Variants in PCNT observed in about 807,000 individuals in gnomAD.
The protein encoded by PCNT is pericentrin.
PCNT carries 319 observed loss-of-function variants against 380.4 expected under a neutral mutation model. The observed-to-expected ratio is 0.84, with a 90% CI of 0.77 to 0.92. The LOEUF (loss-of-function observed/expected upper bound fraction) is 0.92, where lower values mean the gene tolerates loss of function less well. Ranked by LOEUF, PCNT falls within the 40% of genes least tolerant of loss-of-function variation. The pLI is 0.00. For synonymous variants in PCNT, 1,845 were observed against 1,735.2 expected (o/e 1.06, Z -1.57); for missense variants, 4,400 against 4,255.3 (o/e 1.03, Z -0.95).
At position 46,383,392 on chromosome 21, in the gene PCNT, C is replaced by T. The variant is rs143266250; in HGVS notation, c.3312+1552C>T. ...ATTCACCATGTTGTATATTCAGTGACGGAAGCGCATTCACGGTGTTGTGCA... is the reference window on the plus strand; with the variant it reads ...ATTCACCATGTTGTATATTCAGTGATGGAAGCGCATTCACGGTGTTGTGCA... On this transcript the variant is annotated intron_variant, in intron 16 of 46. Coordinates refer to ENST00000359568, the MANE Select transcript of PCNT (RefSeq NM_006031.6). Among the ~76,000 whole-genome samples the T allele has an allele frequency of 1.3e-4, 18 of 141,038 alleles. 3 individuals carry two copies. The East Asian group carries it at 3.7e-3, about 29-fold the overall frequency. The allele number at this position is 141,038 out of a possible 152,430, so 92.5% of individuals were successfully genotyped here. A position where few individuals can be genotyped will look rare whatever the true frequency, so the allele number is the denominator to read the frequency against.
At chr21:46,435,774 C>G (rs1397083546) in intron 38 of PCNT, 130 bp from the exon 39 acceptor site, 1 of 950,860 alleles carries the variant, frequency 1.1e-6, no homozygotes, top group African/African-American at 1.6e-5. Flanking sequence ...AATCTCCTGA[C>G]CTCATGATCT....
rs1334221298 is a variant in PCNT at position 46,427,680 on chromosome 21, C to T, written c.7379C>T (p.Ala2460Val). 1.9e-6 allele frequency: 3 copies of T among 1,613,824 alleles called. No individual in the cohort carries two copies. Among genetic ancestry groups the T allele is most frequent in the East Asian group, 4.5e-5 (2 of 44,892 alleles). Reference sequence around the variant, plus strand: ...GACCTTCTGCAGGTTGTGCAAGAGGCCTTTGAAAAAGAGCAGGAGATGCAG... The same window carrying T: ...GACCTTCTGCAGGTTGTGCAAGAGGTCTTTGAAAAAGAGCAGGAGATGCAG... ...RGDLLQVVQE[A>V]FEKEQEMQGV... Residue 2460 changes from alanine (A) to valine (V), a missense_variant, in exon 34 of 47, where the codon GCC (alanine) becomes GTC (valine). Physicochemically the swap from Ala to Val is moderately conservative, Grantham distance 64. Transcript: ENST00000359568.
At position 46,431,521 on chromosome 21, in the gene PCNT, C is replaced by T. The variant is rs2087762431; in HGVS notation, c.8065-8C>T. 6.2e-7 allele frequency: 1 copy of T among 1,614,006 alleles called. No homozygotes were observed. The highest frequency in any genetic ancestry group is 8.5e-7 in the Non-Finnish European group (1 of 1,179,934). On this transcript the variant is annotated splice_polypyrimidine_tract_variant and splice_region_variant and intron_variant, in intron 37 of 46. Transcript: ENST00000359568. ...CAGTGTCTCCCATCGTATGTGTTTG[C>T]TGTCTAGGAGCTGCGGGCGTCTTTG...
At position 46,428,445 on chromosome 21, in the gene PCNT, C is replaced by T; in HGVS notation, c.7545C>T (p.Ser2515=). ...SLEHLRLPDR[S]SLLSEIQALR... ...AGCATCTTCGCTTGCCGGACCGGAG[C>T]AGCCTGCTGTCCGAGATCCAGGCGC... The change falls in exon 35 of 47, where the codon AGC becomes AGT. Residue 2515 remains serine (S), a synonymous_variant. Coordinates refer to ENST00000359568, the MANE Select transcript of PCNT (RefSeq NM_006031.6). 6.2e-7 allele frequency: 1 copy of T among 1,612,580 alleles called. No homozygotes were observed. Among genetic ancestry groups the T allele is most frequent in the Non-Finnish European group, 8.5e-7 (1 of 1,179,892 alleles).
At chr21:46,347,187 G>A (rs1474274641) in intron 5 of PCNT, among the ~76,000 whole-genome samples, 189 bp downstream of exon 5, 1 of 152,236 alleles carries the variant, frequency 6.6e-6, no homozygotes, top group African/African-American at 2.4e-5. Context: ...TTTGTGGCCA[G>A]GAGATTATTA....
intron 31 of PCNT, among the ~76,000 whole-genome samples, chr21:46,421,616 C>T (rs1158205238): frequency 6.6e-6 from 1 of 152,238 alleles, no homozygotes; most frequent in African/African-American, 2.4e-5. Flanking sequence ...GCAGGCCCCG[C>T]ACGTCCCGCT....
At chr21:46,378,060 T>C (rs1243648121) in intron 15 of PCNT, among the ~76,000 whole-genome samples, 1 of 152,184 alleles carries the variant, frequency 6.6e-6, no homozygotes, top group Non-Finnish European at 1.5e-5. Context: ...GTATGTGTTT[T>C]CTGCATATCT....
intron 17 of PCNT, 108 bp downstream of exon 17, chr21:46,386,091 T>A: frequency 7.6e-7 from 1 of 1,313,748 alleles, no homozygotes; most frequent in Non-Finnish European, 1.1e-6. Context: ...GCTGCCACCA[T>A]GCACGCTGGC....
rs1055786167 is a variant in PCNT at position 46,342,530 on chromosome 21, CTTTCTTTTTTTTT to C, written c.640-3583_640-3571del. On this transcript the variant is annotated intron_variant, in intron 3 of 46. Transcript: ENST00000359568. The stretch of plus-strand genomic sequence containing the variant: ...TTTTTATCTGTTTGTGTCATCAATT[CTTTCTTTTTTTTT>C]TTTCTTTTTTTTTTGAGACGGAGTT... 4.8e-3 allele frequency among the ~76,000 whole-genome samples: 711 copies of C among 149,364 alleles called. 5 individuals are homozygous for C. Among genetic ancestry groups the C allele is most frequent in the African/African-American group, 0.017 (676 of 40,708 alleles).
intron 11 of PCNT, 54 bp downstream of exon 11, chr21:46,354,122 C>CCCT: frequency 6.9e-7 from 1 of 1,444,020 alleles, no homozygotes; most frequent in Non-Finnish European, 9.7e-7. Context: ...GACCTTCCAG[C>CCCT]CCTGCGTCTT....
chr21:46,334,389 C>G lies in PCNT; in HGVS notation c.268-8C>G, dbSNP rs2083661824. ...TTAAATGCTTCTTTCTGGTCCTCCC[C>G]TTCTTAGCCGGAGGACTGTGATGGA... On this transcript the variant is annotated splice_polypyrimidine_tract_variant and splice_region_variant and intron_variant, in intron 2 of 46. Transcript: ENST00000359568. The G allele has an allele frequency of 1.9e-6, 3 of 1,613,868 alleles. No individual in the cohort carries two copies. The highest frequency in any genetic ancestry group is 2.5e-6 in the Non-Finnish European group (3 of 1,179,754).
At chr21:46,436,374 G>A (rs1161519358) in intron 39 of PCNT, among the ~76,000 whole-genome samples, 1 of 151,690 alleles carries the variant, frequency 6.6e-6, no homozygotes, top group Non-Finnish European at 1.5e-5. Context: ...TACGCCTGAC[G>A]TGGGGCTTCC....
chr21:46,412,356 C>G (rs766908176), intron 28 of PCNT, among the ~76,000 whole-genome samples: 1 of 152,208 alleles, frequency 6.6e-6, no homozygotes, highest in African/African-American at 2.4e-5. Flanking sequence ...TCCAGTGAAA[C>G]GGAGCTCACT....
rs536904876 is a variant in PCNT, at chr21:46,324,769, C to T, written c.54+487C>T. 7.4e-4 allele frequency: 454 copies of T among 611,670 alleles called. 2 individuals are homozygous for T. In the African/African-American group the frequency reaches 8.4e-3, roughly 11 times the overall value. 37.9% of individuals were successfully genotyped at this position (611,670 alleles called of 1,614,324 possible). On this transcript the variant is annotated intron_variant, in intron 1 of 46. Transcript: ENST00000359568. The stretch of plus-strand genomic sequence containing the variant: ...GCCGGTATTCGGGTGGCTGCTTGGT[C>T]TAGGGCCAGTTTCCTGCGCGGCCGG...
intron 35 of PCNT, among the ~76,000 whole-genome samples, chr21:46,429,334 G>A (rs1368934283): frequency 1.0e-5 from 1 of 99,474 alleles, no homozygotes; most frequent in Admixed American, 8.7e-5. Flanking sequence ...AGGCATGGGG[G>A]GGCTGGCGCT....
intron 29 of PCNT, among the ~76,000 whole-genome samples, chr21:46,413,794 T>C (rs1048477721): frequency 1.3e-5 from 2 of 152,146 alleles, no homozygotes; most frequent in Admixed American, 6.5e-5. Context: ...TGGCACTTCT[T>C]TTCCCCGGGG....
At chr21:46,419,696 C>T (rs562081928) in intron 31 of PCNT, among the ~76,000 whole-genome samples, 119 of 152,350 alleles carry the variant, frequency 7.8e-4, no homozygotes, top group Middle Eastern at 3.4e-3. Context: ...CAGGTGCTTC[C>T]CCAACAACTC....
chr21:46,371,816 A>G (rs1053622835), intron 15 of PCNT, among the ~76,000 whole-genome samples: 1 of 151,802 alleles, frequency 6.6e-6, no homozygotes, highest in Non-Finnish European at 1.5e-5. Flanking sequence ...CAGCACATGC[A>G]CACACACATG....
At chr21:46,427,231 A>G (rs1054535355) in intron 33 of PCNT, among the ~76,000 whole-genome samples, 4 of 152,210 alleles carry the variant, frequency 2.6e-5, no homozygotes, top group Middle Eastern at 3.2e-3. Context: ...CGTGCCTTGA[A>G]TGGCCCTGGG....
Sources: gnomAD v4.1 joint callset for allele counts (sites outside exome capture counted in the v4.1 genomes callset) on GRCh38, gnomAD v4.1.1 for gene constraint, MANE v1.5 for transcripts, NCBI Gene and HGNC (gene_info 2026-07-23, HGNC 2026-07-21) for gene names.